USP30: variants seen among roughly 807,000 people sequenced by gnomAD.
USP30 encodes the protein ubiquitin specific peptidase 30, also known as ubiquitin carboxyl-terminal hydrolase 30.
In USP30, 41 loss-of-function variants were observed where a neutral mutation model predicts 68.2. The ratio of observed to expected loss-of-function variants is 0.60; its 90% CI spans 0.47 to 0.78. USP30 has a LOEUF of 0.78. Ranked by LOEUF, USP30 falls within the 30% of genes least tolerant of loss-of-function variation. The pLI, the probability that USP30 is intolerant of heterozygous loss-of-function variation, is 0.00. For synonymous variants in USP30, 229 were observed against 253.7 expected, an observed-to-expected ratio of 0.90 and a Z score of 0.93; for missense variants, 522 against 649.4, an observed-to-expected ratio of 0.80 and a Z score of 2.13.
intron 3 of USP30, among the ~76,000 whole-genome samples, chr12:109,066,934 G>A (rs2041272146): frequency 1.3e-5 from 2 of 152,066 alleles, no homozygotes; most frequent in African/African-American, 2.4e-5. Context: ...AATTTATATT[G>A]ATGATGATAG....
chr12:109,042,590 G>T (rs2040572696), intron 3 of USP30, among the ~76,000 whole-genome samples: 1 of 152,056 alleles, frequency 6.6e-6, no homozygotes, highest in African/African-American at 2.4e-5. Flanking sequence ...AATTTTGCTG[G>T]ATATTTAAAT....
chr12:109,036,498 A>G (rs1435098124), intron 3 of USP30, among the ~76,000 whole-genome samples: 2 of 151,994 alleles, frequency 1.3e-5, no homozygotes, highest in Non-Finnish European at 2.9e-5. Context: ...GGGTTTCACC[A>G]TGTTGGCCTG....
intron 4 of USP30, among the ~76,000 whole-genome samples, chr12:109,069,735 G>C (rs1174036542): frequency 3.3e-5 from 5 of 152,138 alleles, no homozygotes; most frequent in Non-Finnish European, 7.3e-5. Context: ...GAAACTAGCT[G>C]GTGTAACATG....
rs1427660248 is a variant in USP30 at position 109,085,382 on chromosome 12, GTCATGCAC to G, written c.1290-282_1290-275del. On this transcript the variant is annotated intron_variant, in intron 12 of 12. Transcript: ENST00000257548. Reference sequence around the variant, plus strand: ...AGAGATAGCCAATTAAACACTTAGGGTCATGCACTCTATAAAGTTGTACATCACACATA... The same window carrying G: ...AGAGATAGCCAATTAAACACTTAGGGTCTATAAAGTTGTACATCACACATA... 2.0e-5 allele frequency among the ~76,000 whole-genome samples: 3 copies of G among 152,056 alleles called. No individual in the cohort carries two copies. The East Asian group carries it at 5.8e-4, about 29-fold the overall frequency.
At chr12:109,077,954 T>G (rs2041661944) in intron 7 of USP30, among the ~76,000 whole-genome samples, 1 of 152,114 alleles carries the variant, frequency 6.6e-6, no homozygotes, top group Non-Finnish European at 1.5e-5. Flanking sequence ...TACCCCAGCC[T>G]TTGTGCTATT....
intron 2 of USP30, among the ~76,000 whole-genome samples, chr12:109,025,483 A>G (rs190601439): frequency 2.0e-5 from 3 of 152,192 alleles, no homozygotes; most frequent in East Asian, 1.9e-4. Context: ...TTAAAATGTT[A>G]GCTGGCCTAT....
intron 3 of USP30, among the ~76,000 whole-genome samples, chr12:109,037,236 A>T (rs1027267194): frequency 6.6e-6 from 1 of 152,130 alleles, no homozygotes; most frequent in Non-Finnish European, 1.5e-5. Context: ...CAGTTATTCT[A>T]CTTTTCAACT....
chr12:109,050,731 G>A (rs1213691892), upstream of USP30, among the ~76,000 whole-genome samples: 1 of 152,062 alleles, frequency 6.6e-6, no homozygotes, highest in African/African-American at 2.4e-5. Flanking sequence ...ATAATGGGCC[G>A]GGCGCGGTGG....
At chr12:109,067,280 ATTTT>A (rs35837643) in intron 3 of USP30, among the ~76,000 whole-genome samples, 2 of 147,978 alleles carry the variant, frequency 1.4e-5, no homozygotes, top group African/African-American at 5.0e-5. Context: ...CGCCCGGCTA[ATTTT>A]TTTTTTTTAT....
At chr12:109,083,332 A>G (rs895056707) in intron 11 of USP30, among the ~76,000 whole-genome samples, 8 of 152,196 alleles carry the variant, frequency 5.3e-5, no homozygotes, top group Non-Finnish European at 1.0e-4. Context: ...TTTGCCTTCT[A>G]ATTTTTCCGC....
intron 7 of USP30, 140 bp downstream of exon 7, chr12:109,073,672 C>T: frequency 1.4e-6 from 1 of 695,216 alleles, no homozygotes; most frequent in Non-Finnish European, 2.5e-6. Context: ...GGACTGACTA[C>T]CCCACTTTGG....
chr12:109,074,560 T>C (rs1036793576), intron 7 of USP30, among the ~76,000 whole-genome samples: 1 of 152,190 alleles, frequency 6.6e-6, no homozygotes, highest in Non-Finnish European at 1.5e-5. Context: ...ACTCTCTAGG[T>C]CCTGTCTAAC....
chr12:109,032,627 C>T (rs961621926), intron 3 of USP30, among the ~76,000 whole-genome samples: 6 of 152,268 alleles, frequency 3.9e-5, no homozygotes, highest in African/African-American at 1.2e-4. Flanking sequence ...GAGAGTAGAT[C>T]AGTGGTTGCT....
chr12:109,048,753 A>AAAAC, upstream of USP30, among the ~76,000 whole-genome samples: 1 of 151,516 alleles, frequency 6.6e-6, no homozygotes, highest in African/African-American at 2.4e-5. Flanking sequence ...AAAAAAAAAA[A>AAAAC]CAAAAAAAGA....
chr12:109,029,381 A>T (rs1247158041), intron 3 of USP30, among the ~76,000 whole-genome samples: 1 of 152,190 alleles, frequency 6.6e-6, no homozygotes, highest in Non-Finnish European at 1.5e-5. Flanking sequence ...AGAGCTTATC[A>T]CAGGCTTGGA....
upstream of USP30, among the ~76,000 whole-genome samples, chr12:109,048,192 C>T (rs528010647): frequency 6.6e-6 from 1 of 151,210 alleles, no homozygotes; most frequent in Admixed American, 6.6e-5. Flanking sequence ...CTCAAGCAAT[C>T]CTCCCACCTC....
chr12:109,077,346 C>CT (rs2041642001), intron 7 of USP30, among the ~76,000 whole-genome samples: 2 of 152,026 alleles, frequency 1.3e-5, no homozygotes, highest in South Asian at 4.1e-4. Context: ...TTCTTTAGCT[C>CT]TATTTCTGCT....
At chr12:109,049,504 A>G (rs1157935605), upstream of USP30, among the ~76,000 whole-genome samples, 2 of 152,204 alleles carry the variant, frequency 1.3e-5, no homozygotes, top group Non-Finnish European at 2.9e-5. Context: ...GATCACCTTA[A>G]TAGGTGTAAT....
chr12:109,043,661 A>T (rs2040580291), intron 3 of USP30, among the ~76,000 whole-genome samples: 1 of 152,214 alleles, frequency 6.6e-6, no homozygotes, highest in African/African-American at 2.4e-5. Flanking sequence ...GTGACATTGG[A>T]TTTGGCAGTG....
Sources: gnomAD v4.1 joint callset for allele counts (sites outside exome capture counted in the v4.1 genomes callset) on GRCh38, gnomAD v4.1.1 for gene constraint, MANE v1.5 for transcripts, NCBI Gene and HGNC (gene_info 2026-07-23, HGNC 2026-07-21) for gene names.